ROPN1B: variants seen among roughly 807,000 people sequenced by gnomAD.
ROPN1B encodes the protein ropporin-1B.
Under a neutral mutation model 23.7 loss-of-function variants are expected in ROPN1B, and 13 were observed. The ratio of observed to expected loss-of-function variants is 0.55; its 90% CI spans 0.36 to 0.87. The LOEUF (loss-of-function observed/expected upper bound fraction) is 0.87, where lower values mean the gene tolerates loss of function less well. Ranked by LOEUF, ROPN1B falls within the 40% of genes least tolerant of loss-of-function variation. ROPN1B has a pLI of 0.01. For missense variants in ROPN1B, 183 were observed against 249.2 expected (o/e 0.73, Z 1.79); for synonymous variants, 67 against 100.4 (o/e 0.67, Z 1.99).
rs1938679898 is a variant in ROPN1B, at chr3:125,983,434, A to G, written c.*114A>G. 1.4e-6 allele frequency: 1 copy of G among 731,454 alleles called. No homozygotes were observed. Among genetic ancestry groups the G allele is most frequent in the African/African-American group, 1.8e-5 (1 of 56,224 alleles). The allele number at this position is 731,454 out of a possible 1,614,324, so 45.3% of individuals were successfully genotyped here. A position where few individuals can be genotyped will look rare whatever the true frequency, so the allele number is the denominator to read the frequency against. ...TTGTACAACTGGTACACACTAATAA[A>G]CAAACATGTGAGATCAGAAATGTGC... On this transcript the variant is annotated 3_prime_UTR_variant, in exon 7 of 7. Transcript: ENST00000514116.
In ROPN1B at chr3:125,969,719, T is replaced by C. The variant is rs1277122849; in HGVS notation, c.-59+319T>C. On this transcript the variant is annotated intron_variant, in intron 1 of 6. Coordinates refer to ENST00000514116, the MANE Select transcript of ROPN1B (RefSeq NM_001308313.2). Reference sequence around the variant, plus strand: ...CACCGAGGAGCCACACCTCTGCTTTTTCATCAGCGACAGGGATATAAAAAT... The same window carrying C: ...CACCGAGGAGCCACACCTCTGCTTTCTCATCAGCGACAGGGATATAAAAAT... 10 of 152,470 alleles carry C rather than the reference T, an allele frequency of 6.6e-5. No individual in the cohort carries two copies. The East Asian group carries it at 1.3e-3, about 21-fold the overall frequency. The allele number at this position is 152,470 out of a possible 1,614,324, so 9.4% of individuals were successfully genotyped here. A position where few individuals can be genotyped will look rare whatever the true frequency, so the allele number is the denominator to read the frequency against.
At chr3:125,975,782 T>C in intron 4 of ROPN1B, 102 bp downstream of exon 4, 1 of 1,002,344 alleles carries the variant, frequency 1.0e-6, no homozygotes, top group East Asian at 2.5e-5. Flanking sequence ...AGCTGACCAC[T>C]TAGCACCACC....
chr3:125,975,220 A>C (rs1271335171), intron 3 of ROPN1B, among the ~76,000 whole-genome samples: 1 of 152,222 alleles, frequency 6.6e-6, no homozygotes, highest in African/African-American at 2.4e-5. Flanking sequence ...TACACATGTA[A>C]CATATATCTG....
At chr3:125,972,359 T>G in intron 3 of ROPN1B, 189 bp downstream of exon 3, 1 of 628,868 alleles carries the variant, frequency 1.6e-6, no homozygotes, top group Middle Eastern at 2.7e-4. Flanking sequence ...CGGGCAAGGA[T>G]GGGATGCCTC....
At chr3:125,972,782 G>C in intron 3 of ROPN1B, 7 of 360,622 alleles carry the variant, frequency 1.9e-5, no homozygotes, top group South Asian at 1.2e-4. Context: ...CCAACATAAT[G>C]ATGTCCTCAC....
intron 5 of ROPN1B, chr3:125,978,033 G>A (rs1285522059): frequency 1.3e-5 from 2 of 152,162 alleles, no homozygotes; most frequent in Admixed American, 6.5e-5. Flanking sequence ...TTGTTTCTGA[G>A]AAAATTTAGC....
At position 125,982,410 on chromosome 3, in the gene ROPN1B, T is replaced by C. The variant is rs370882989; in HGVS notation, c.537T>C (p.His179=). The C allele has an allele frequency of 5.0e-6, 8 of 1,608,406 alleles. No individual in the cohort carries two copies. Among genetic ancestry groups the C allele is most frequent in the East Asian group, 4.5e-5 (2 of 44,798 alleles). The change falls in exon 6 of 7, where the codon CAT becomes CAC. Residue 179 remains histidine, a synonymous_variant. Coordinates refer to ENST00000514116, the MANE Select transcript of ROPN1B (RefSeq NM_001308313.2). ...AEVDGEICAS[H]VSRMLNYIEQ... is the part of the protein sequence containing the mutation. ...TGGATGGGGAGATCTGTGCATCACA[T>C]GTCAGCAGGATGCTAAACTACATTG...
intron 5 of ROPN1B, among the ~76,000 whole-genome samples, chr3:125,980,139 CA>C (rs1237340397): frequency 6.6e-6 from 1 of 151,966 alleles, no homozygotes; most frequent in South Asian, 2.1e-4. Context: ...AGTGGATCCC[CA>C]AAAAAATATT....
At chr3:125,971,293 T>G (rs900996778) in intron 2 of ROPN1B, 131 bp downstream of exon 2, 9 of 152,176 alleles carry the variant, frequency 5.9e-5, no homozygotes, top group Admixed American at 6.5e-5. Flanking sequence ...CTGAGATTTG[T>G]CTGGCCTCTA....
rs7622886 is a variant in ROPN1B at position 125,972,822 on chromosome 3, G to A, written c.116+652G>A. 999 of 401,726 alleles carry A rather than the reference G, an allele frequency of 2.5e-3. 12 individuals carry two copies. The highest frequency in any genetic ancestry group is 0.019 in the African/African-American group (930 of 48,314). The allele number at this position is 401,726 out of a possible 1,614,324, so 24.9% of individuals were successfully genotyped here. A position where few individuals can be genotyped will look rare whatever the true frequency, so the allele number is the denominator to read the frequency against. ...CACACTGCATTCTGGGGAAAGGCCA[G>A]GCAGAGTGATGGGGTCCTCAGGCAT... On this transcript the variant is annotated intron_variant, in intron 3 of 6. Coordinates refer to ENST00000514116, the MANE Select transcript of ROPN1B (RefSeq NM_001308313.2).
At chr3:125,976,847 A>G in intron 4 of ROPN1B, 157 bp from the exon 5 acceptor site, 2 of 877,032 alleles carry the variant, frequency 2.3e-6, no homozygotes, top group East Asian at 2.4e-5. Flanking sequence ...TGCAAAGGTA[A>G]CTGCCACACA....
At chr3:125,972,266 T>TGCAGA (rs1938243487) in intron 3 of ROPN1B, 96 bp downstream of exon 3, 3 of 1,155,938 alleles carry the variant, frequency 2.6e-6, no homozygotes, top group Non-Finnish European at 3.8e-6. Flanking sequence ...AGCCAGGGGG[T>TGCAGA]CGGGACTAAC....
At chr3:125,981,045 C>T (rs535788201) in intron 5 of ROPN1B, among the ~76,000 whole-genome samples, 2 of 151,940 alleles carry the variant, frequency 1.3e-5, no homozygotes, top group African/African-American at 4.8e-5. Flanking sequence ...TTTTTGACAT[C>T]GTGTGGTTTA....
intron 5 of ROPN1B, among the ~76,000 whole-genome samples, chr3:125,979,511 T>C (rs1296763985): frequency 6.6e-6 from 1 of 152,172 alleles, no homozygotes; most frequent in Non-Finnish European, 1.5e-5. Context: ...GAAGGCATCA[T>C]TCATGAGGAA....
At chr3:125,970,004 G>C (rs1308824921) in intron 1 of ROPN1B, 5 of 150,922 alleles carry the variant, frequency 3.3e-5, no homozygotes, top group African/African-American at 1.2e-4. Context: ...CTGCTATCAC[G>C]CATTCATTTT....
At chr3:125,982,943 AG>A (rs1458919245) in intron 6 of ROPN1B, among the ~76,000 whole-genome samples, 2 of 152,174 alleles carry the variant, frequency 1.3e-5, no homozygotes, top group Non-Finnish European at 2.9e-5. Context: ...CAGGAGTTCA[AG>A]ACCAGCCTGG....
At chr3:125,981,236 T>A (rs755485615) in intron 5 of ROPN1B, among the ~76,000 whole-genome samples, 1 of 152,252 alleles carries the variant, frequency 6.6e-6, no homozygotes, top group African/African-American at 2.4e-5. Context: ...CATAGACTTA[T>A]GCTCCTGGGT....
chr3:125,975,734 G>A, intron 4 of ROPN1B, 54 bp downstream of exon 4: 3 of 1,527,758 alleles, frequency 2.0e-6, no homozygotes, highest in South Asian at 2.5e-5. Context: ...TTGAGGCTGG[G>A]TGGGTACAGA....
At chr3:125,974,822 G>A (rs1447030545) in intron 3 of ROPN1B, among the ~76,000 whole-genome samples, 4 of 152,160 alleles carry the variant, frequency 2.6e-5, no homozygotes, top group Non-Finnish European at 4.4e-5. Context: ...ATAGCTTAAG[G>A]TTGTCTCAAA....
Sources: allele counts gnomAD v4.1 joint callset (sites outside exome capture counted in the v4.1 genomes callset), GRCh38; gene constraint gnomAD v4.1.1; transcripts MANE v1.5; gene names NCBI Gene and HGNC (gene_info 2026-07-23, HGNC 2026-07-21).